The following HMCN2 variants were observed in gnomAD, a reference collection of about 807,000 sequenced individuals.
The protein encoded by HMCN2 is hemicentin 2.
A neutral mutation model predicts 377.5 loss-of-function variants in HMCN2; 325 were observed. The ratio of observed to expected loss-of-function variants is 0.86; its 90% CI spans 0.79 to 0.94. HMCN2 has a LOEUF of 0.94. Among genes scored for constraint, HMCN2 ranks in the 40% least tolerant of loss-of-function variants. The pLI is 0.00. For synonymous variants in HMCN2, 2,007 were observed against 2,046.8 expected, an observed-to-expected ratio of 0.98 and a Z score of 0.53; for missense variants, 4,543 against 4,725.3, an observed-to-expected ratio of 0.96 and a Z score of 1.13.
chr9:130,337,048 C>T (rs953467778), intron 22 of HMCN2, among the ~76,000 whole-genome samples: 2 of 152,128 alleles, frequency 1.3e-5, no homozygotes, highest in African/African-American at 2.4e-5. Flanking sequence ...ATGCTGGCTG[C>T]GTACTCTTGA....
chr9:130,394,278 AC>A lies in HMCN2; in HGVS notation c.10502-105del. ...GGTGGCAGATGCAAGAACAAGGGCCACCAAAATGTGGGAGCAGAGCCCCTGG... is the reference window on the plus strand; with the variant it reads ...GGTGGCAGATGCAAGAACAAGGGCCACAAAATGTGGGAGCAGAGCCCCTGG... On this transcript the variant is annotated intron_variant, in intron 68 of 97. Transcript: ENST00000683500. The surrounding 1 kb of genome is among the most constrained non-coding windows in gnomAD (Gnocchi z 5.1). The A allele has an allele frequency of 1.3e-6, 1 of 742,330 alleles. No individual in the cohort carries two copies. The highest frequency in any genetic ancestry group is 1.9e-6 in the Non-Finnish European group (1 of 521,322). 46.0% of individuals were successfully genotyped at this position (742,330 alleles called of 1,614,324 possible).
chr9:130,410,642 C>A lies in HMCN2; in HGVS notation c.12951C>A (p.Leu4317=). 12 of 1,550,454 alleles carry A rather than the reference C, an allele frequency of 7.7e-6. No individual in the cohort carries two copies. The highest frequency in any genetic ancestry group is 2.4e-5 in the East Asian group (1 of 40,938). Residue 4317 remains leucine (L), a synonymous_variant, in exon 85 of 98, where the codon CTC becomes CTA. Transcript: ENST00000683500. ...GCGTGGCGAAGAAAGTGGTGATCCTCGTCCTGCAGAGTGAGTCTCGGCCTC... is the reference window on the plus strand; with the variant it reads ...GCGTGGCGAAGAAAGTGGTGATCCTAGTCCTGCAGAGTGAGTCTCGGCCTC... ...EMGVAKKVVI[L]VLQSAPVFQV...
chr9:130,310,238 C>T (rs1837168765), intron 15 of HMCN2, among the ~76,000 whole-genome samples, 177 bp downstream of exon 15: 1 of 152,242 alleles, frequency 6.6e-6, no homozygotes, highest in African/African-American at 2.4e-5. Context: ...TGCATCAGCT[C>T]TTGCTGGGTA....
rs1834858739 is a variant in HMCN2, at chr9:130,277,989, GATCATCACCACCACCACC to G, written c.260-6606_260-6589del. On this transcript the variant is annotated intron_variant, in intron 1 of 97. Transcript: ENST00000683500. ...CCACCATCATCATCACCACCACCAC[GATCATCACCACCACCACC>G]ATCATCATCACCACCACCACGATCA... 3.8e-4 allele frequency among the ~76,000 whole-genome samples: 5 copies of G among 13,272 alleles called. 1 individual carries two copies. The highest frequency in any genetic ancestry group is 2.7e-3 in the Admixed American group (3 of 1,100). 8.7% of individuals were successfully genotyped at this position (13,272 alleles called of 152,430 possible). A position where few individuals can be genotyped will look rare whatever the true frequency, so the allele number is the denominator to read the frequency against.
chr9:130,375,255 T>A (rs1441921805), intron 49 of HMCN2, among the ~76,000 whole-genome samples: 1 of 152,094 alleles, frequency 6.6e-6, no homozygotes, highest in African/African-American at 2.4e-5. Context: ...TCAAACAGAA[T>A]TGAGAAGCCT....
In HMCN2 at chr9:130,400,985, G is replaced by A. The variant is rs778066180; in HGVS notation, c.11770+38G>A. ...AAGCCACAGAGAGAGGCAGCTGAGG[G>A]GAGACTGGGAGAGCAGGCAGAGGGG... On this transcript the variant is annotated intron_variant, in intron 77 of 97. Coordinates refer to ENST00000683500, the MANE Select transcript of HMCN2 (RefSeq NM_001291815.2). 1.3e-5 allele frequency: 16 copies of A among 1,260,212 alleles called. 1 individual carries two copies. The South Asian group carries it at 2.1e-4, about 16-fold the overall frequency. 78.1% of individuals were successfully genotyped at this position (1,260,212 alleles called of 1,614,324 possible). A position where few individuals can be genotyped will look rare whatever the true frequency, so the allele number is the denominator to read the frequency against.
intron 65 of HMCN2, 22 bp from the exon 66 acceptor site, chr9:130,391,913 T>G: frequency 1.0e-6 from 1 of 986,774 alleles, no homozygotes; most frequent in Non-Finnish European, 1.2e-6. Context: ...GCACTACCCC[T>G]CTTTTTTCTA....
At chr9:130,389,122 G>A (rs754531626) in intron 62 of HMCN2, among the ~76,000 whole-genome samples, 8 of 152,162 alleles carry the variant, frequency 5.3e-5, no homozygotes, top group Admixed American at 2.0e-4. Context: ...GTGGAAATCC[G>A]TCCACAGCAG....
chr9:130,346,913 C>A (rs1588279285), intron 25 of HMCN2, among the ~76,000 whole-genome samples: 2 of 152,192 alleles, frequency 1.3e-5, no homozygotes, highest in East Asian at 3.9e-4. Context: ...AGAAAACAGG[C>A]CTGCAGTCCC....
At chr9:130,291,132 G>A (rs71501127) in intron 4 of HMCN2, among the ~76,000 whole-genome samples, 1 of 152,114 alleles carries the variant, frequency 6.6e-6, no homozygotes, top group Admixed American at 6.5e-5. Context: ...CCTTAGCTTG[G>A]AGTTGGCAAG....
chr9:130,291,720 A>G (rs1465818711), intron 4 of HMCN2, among the ~76,000 whole-genome samples: 1 of 152,206 alleles, frequency 6.6e-6, no homozygotes, highest in Admixed American at 6.5e-5. Context: ...CTGAAAAAAC[A>G]TAGTCTTCAA....
intron 15 of HMCN2, among the ~76,000 whole-genome samples, chr9:130,310,610 A>G (rs1457986622): frequency 1.1e-5 from 1 of 92,278 alleles, no homozygotes; most frequent in African/African-American, 3.0e-5. Context: ...TGTGAACACC[A>G]GGAGGCGGGG....
intron 4 of HMCN2, among the ~76,000 whole-genome samples, chr9:130,289,492 C>G (rs1554929240): frequency 6.6e-6 from 1 of 152,102 alleles, no homozygotes; most frequent in East Asian, 1.9e-4. Flanking sequence ...TGGCTTCAGA[C>G]CTCGCAGCCC....
intron 71 of HMCN2, 79 bp downstream of exon 71, chr9:130,395,426 C>T (rs1294204154): frequency 5.1e-6 from 6 of 1,181,390 alleles, no homozygotes; most frequent in African/African-American, 1.6e-5. Context: ...GATCCAAGAT[C>T]CAGAGCGGGT....
At chr9:130,298,382 G>T (rs1432340849) in intron 7 of HMCN2, among the ~76,000 whole-genome samples, 4 of 152,196 alleles carry the variant, frequency 2.6e-5, no homozygotes, top group Non-Finnish European at 4.4e-5. Flanking sequence ...AAATTAGCCA[G>T]GTATAGTGGT....
In HMCN2 at chr9:130,351,603, C is replaced by A. The variant is rs749329234; in HGVS notation, c.4585+26C>A. ...GTGAGCCCCCACGCCTTCTGGGACC[C>A]CGCCACAGGCTACTCAGGAAGCTTC... is the stretch of plus-strand genomic sequence containing the variant. On this transcript the variant is annotated intron_variant, in intron 30 of 97. Coordinates refer to ENST00000683500, the MANE Select transcript of HMCN2 (RefSeq NM_001291815.2). This position sits in a 1 kb window ranked among gnomAD's most constrained non-coding sequence, Gnocchi z 5.4. The A allele has an allele frequency of 2.5e-4, 321 of 1,291,690 alleles. No individual in the cohort carries two copies. The highest frequency in any genetic ancestry group is 3.2e-4 in the Non-Finnish European group (311 of 980,282). 80.0% of individuals were successfully genotyped at this position (1,291,690 alleles called of 1,614,324 possible).
intron 76 of HMCN2, 132 bp from the exon 77 acceptor site, chr9:130,400,651 C>T (rs565440031): frequency 1.1e-5 from 5 of 466,724 alleles, no homozygotes; most frequent in Admixed American, 5.1e-5. Context: ...GTGACTTCTC[C>T]CTCTGTTGCC....
At chr9:130,358,071 C>T in intron 35 of HMCN2, 83 bp downstream of exon 35, 1 of 1,145,932 alleles carries the variant, frequency 8.7e-7, no homozygotes, top group Non-Finnish European at 1.1e-6. Flanking sequence ...AGACTCTGAG[C>T]AAATCCCAGC....
intron 1 of HMCN2, among the ~76,000 whole-genome samples, chr9:130,273,584 G>A (rs1834515363): frequency 6.6e-6 from 1 of 151,718 alleles, no homozygotes; most frequent in Non-Finnish European, 1.5e-5. Flanking sequence ...TGCAACCTCC[G>A]TCCCCCAGGC....
Sources: allele counts gnomAD v4.1 joint callset (sites outside exome capture counted in the v4.1 genomes callset), GRCh38; gene constraint gnomAD v4.1.1; non-coding constraint Gnocchi (gnomAD v3.1); transcripts MANE v1.5; gene names NCBI Gene and HGNC (gene_info 2026-07-23, HGNC 2026-07-21).